THOC1: variants seen among roughly 807,000 people sequenced by gnomAD.
The protein encoded by THOC1 is THO complex 1.
THOC1 carries 29 observed loss-of-function variants against 97.3 expected under a neutral mutation model. That is an observed-to-expected ratio of 0.30 (90% CI 0.22 to 0.41). The LOEUF is 0.41. THOC1 is among the 10% of genes least tolerant of loss of function. The pLI, the probability that THOC1 is intolerant of heterozygous loss-of-function variation, is 1.00. For synonymous variants in THOC1, 255 were observed against 257.0 expected (o/e 0.99, Z 0.07); for missense variants, 529 against 761.9 (o/e 0.69, Z 3.60).
At chr18:241,326 A>T (rs1911892686) in intron 11 of THOC1, among the ~76,000 whole-genome samples, 1 of 152,198 alleles carries the variant, frequency 6.6e-6, no homozygotes, top group African/African-American at 2.4e-5. Flanking sequence ...TGGACATAAA[A>T]AGTACAAAAC....
At chr18:260,944 T>C (rs1912587119) in intron 4 of THOC1, 1 of 152,194 alleles carries the variant, frequency 6.6e-6, no homozygotes. Flanking sequence ...TTATACCAGA[T>C]GAATGGTAGC....
At chr18:216,390 T>C (rs897421977) in intron 19 of THOC1, 96 bp downstream of exon 19, 1 of 1,365,532 alleles carries the variant, frequency 7.3e-7, no homozygotes, top group East Asian at 2.3e-5. Context: ...TCACTGGTTT[T>C]TCACATGATT....
chr18:226,037 C>G (rs1457921236), intron 12 of THOC1: 2 of 152,304 alleles, frequency 1.3e-5, no homozygotes, highest in Non-Finnish European at 2.9e-5. Context: ...ACCCACGTCT[C>G]ACTTCAAAGT....
At chr18:252,229 G>A (rs1232208703) in intron 9 of THOC1, among the ~76,000 whole-genome samples, 3 of 152,150 alleles carry the variant, frequency 2.0e-5, no homozygotes, top group South Asian at 4.1e-4. Flanking sequence ...CAGGCACTGG[G>A]TCCACAAGTT....
At chr18:235,066 T>C (rs1378746123) in intron 11 of THOC1, among the ~76,000 whole-genome samples, 1 of 146,782 alleles carries the variant, frequency 6.8e-6, no homozygotes. Flanking sequence ...TTAATGGTTG[T>C]TCATTTATTT....
At chr18:229,684 G>C (rs1567845962) in intron 11 of THOC1, among the ~76,000 whole-genome samples, 1 of 152,050 alleles carries the variant, frequency 6.6e-6, no homozygotes. Context: ...ATCGGTCTTG[G>C]GGCGGGGGAA....
At chr18:232,979 T>A (rs1598294575) in intron 11 of THOC1, among the ~76,000 whole-genome samples, 4 of 152,330 alleles carry the variant, frequency 2.6e-5, no homozygotes, top group Admixed American at 2.6e-4. Context: ...ACAAATAATC[T>A]TCTCCCAGTC....
chr18:215,332 A>G, intron 20 of THOC1, 97 bp downstream of exon 20: 3 of 869,756 alleles, frequency 3.4e-6, no homozygotes, highest in Non-Finnish European at 5.6e-6. Context: ...AAAATGGGAG[A>G]AGTTGAGAAG....
At chr18:240,297 AGGGCT>A (rs2083621736) in intron 11 of THOC1, among the ~76,000 whole-genome samples, 1 of 152,222 alleles carries the variant, frequency 6.6e-6, no homozygotes, top group South Asian at 2.1e-4. Context: ...TCTTTCCTAG[AGGGCT>A]GCTACTTGGT....
intron 7 of THOC1, among the ~76,000 whole-genome samples, chr18:255,417 A>T (rs1912406521): frequency 1.3e-5 from 2 of 152,240 alleles, no homozygotes; most frequent in Non-Finnish European, 2.9e-5. Flanking sequence ...CTTACTGCTG[A>T]TACAGAGAAA....
At chr18:216,763 T>C in intron 18 of THOC1, 130 bp from the exon 19 acceptor site, 3 of 1,275,066 alleles carry the variant, frequency 2.4e-6, no homozygotes, top group Non-Finnish European at 2.0e-6. Flanking sequence ...TATTTGAATC[T>C]TATTCCTAAA....
In THOC1 at chr18:247,127, C is replaced by A. The variant is rs147420129; in HGVS notation, c.787-672G>T. ...GTTAGAAGACAATTCCAGATTATTT[C>A]TCACTAACCACTTAATCTGAATTTG... On this transcript the variant is annotated intron_variant, in intron 10 of 20. Transcript: ENST00000261600. Among the ~76,000 whole-genome samples the A allele has an allele frequency of 5.6e-3, 850 of 152,234 alleles. 8 individuals carry two copies. Among genetic ancestry groups the A allele is most frequent in the African/African-American group, 0.019 (807 of 41,546 alleles).
chr18:265,595 T>C lies in THOC1; in HGVS notation c.55-65A>G, dbSNP rs1238197698. The C allele has an allele frequency of 2.6e-5, 34 of 1,289,110 alleles. 1 individual carries two copies. The highest frequency in any genetic ancestry group is 3.3e-5 in the Non-Finnish European group (31 of 934,264). The allele number at this position is 1,289,110 out of a possible 1,614,324, so 79.9% of individuals were successfully genotyped here. A position where few individuals can be genotyped will look rare whatever the true frequency, so the allele number is the denominator to read the frequency against. ...TGCTTATTATTTGCTGAAAAATATA[T>C]CGTTCATTGATAGTGTATCTTACTA... On this transcript the variant is annotated intron_variant, in intron 1 of 20. Coordinates refer to ENST00000261600, the MANE Select transcript of THOC1 (RefSeq NM_005131.3).
intron 18 of THOC1, among the ~76,000 whole-genome samples, chr18:217,681 A>G (rs1161994676): frequency 6.6e-6 from 1 of 151,132 alleles, no homozygotes; most frequent in African/African-American, 2.5e-5. Flanking sequence ...CCACCTTCTC[A>G]TTTGGATAGT....
chr18:259,345 G>A (rs1184052033), intron 6 of THOC1, 70 bp from the exon 7 acceptor site: 1 of 1,307,768 alleles, frequency 7.6e-7, no homozygotes, highest in African/African-American at 1.5e-5. Context: ...ACACCTAAAA[G>A]TTTCTAAACC....
chr18:237,508 A>T (rs1189635819), intron 11 of THOC1, among the ~76,000 whole-genome samples: 2 of 152,142 alleles, frequency 1.3e-5, no homozygotes, highest in Admixed American at 1.3e-4. Flanking sequence ...CTAAGTGCTT[A>T]CATAATCCTG....
At chr18:217,352 A>G (rs187322365) in intron 18 of THOC1, among the ~76,000 whole-genome samples, 2 of 152,310 alleles carry the variant, frequency 1.3e-5, no homozygotes, top group East Asian at 1.9e-4. Context: ...TCTCTGACAT[A>G]TCTGTTTAGA....
intron 7 of THOC1, among the ~76,000 whole-genome samples, chr18:256,976 G>A (rs28482392): frequency 0.16 from 24,906 of 152,164 alleles, 2,441 homozygotes; most frequent in African/African-American, 0.26. Context: ...AAAAGATGAC[G>A]ACTTGCAAAA....
chr18:235,659 G>A (rs1911654553), intron 11 of THOC1, among the ~76,000 whole-genome samples: 2 of 151,788 alleles, frequency 1.3e-5, no homozygotes, highest in South Asian at 4.2e-4. Flanking sequence ...TATCCTTTTT[G>A]CAGCTCTAAT....
Sources: allele counts gnomAD v4.1 joint callset (sites outside exome capture counted in the v4.1 genomes callset), GRCh38; gene constraint gnomAD v4.1.1; transcripts MANE v1.5; gene names NCBI Gene and HGNC (gene_info 2026-07-23, HGNC 2026-07-21).